SORBS2: variants seen among roughly 807,000 people sequenced by gnomAD.
SORBS2 encodes sorbin and SH3 domain-containing protein 2.
Under a neutral mutation model 97.7 loss-of-function variants are expected in SORBS2, and 46 were observed. That is an observed-to-expected ratio of 0.47 (90% CI 0.37 to 0.60). The LOEUF is 0.60. Among genes scored for constraint, SORBS2 ranks in the 20% least tolerant of loss-of-function variants. The probability of loss-of-function intolerance (pLI) is 0.00; values close to 1 mark genes in which losing one functional copy is unlikely to be tolerated. For synonymous variants in SORBS2, 476 were observed against 473.4 expected (o/e 1.01, Z -0.07); for missense variants, 1,316 against 1,282.3 (o/e 1.03, Z -0.40).
chr4:185,728,386 G>T (rs1027146535), intron 2 of SORBS2, among the ~76,000 whole-genome samples: 1 of 152,190 alleles, frequency 6.6e-6, no homozygotes, highest in East Asian at 1.9e-4. Context: ...TCAGTTGGAA[G>T]TATTTTGCTA....
intron 2 of SORBS2, among the ~76,000 whole-genome samples, chr4:185,694,865 C>T (rs1223731840): frequency 6.6e-6 from 1 of 151,712 alleles, no homozygotes; most frequent in Non-Finnish European, 1.5e-5. Flanking sequence ...CACCATCACG[C>T]CTGGCTAATT....
intron 2 of SORBS2, among the ~76,000 whole-genome samples, chr4:185,728,209 C>G (rs1231724119): frequency 6.6e-6 from 1 of 152,110 alleles, no homozygotes; most frequent in East Asian, 1.9e-4. Context: ...TGACTGTGCT[C>G]CCCGAGAAAG....
chr4:185,663,182 G>A (rs751075307), intron 4 of SORBS2, among the ~76,000 whole-genome samples: 1 of 152,142 alleles, frequency 6.6e-6, no homozygotes, highest in Non-Finnish European at 1.5e-5. Flanking sequence ...TAGTAAGAAC[G>A]TTTAGTTAAA....
At chr4:185,587,776 C>G in intron 14 of SORBS2, 88 bp from the exon 27 acceptor site, 1 of 1,014,174 alleles carries the variant, frequency 9.9e-7, no homozygotes. Flanking sequence ...TACAAGGCCT[C>G]GGAAGACAGC....
chr4:185,897,389 T>C lies in SORBS2; in HGVS notation c.-338+58807A>G, dbSNP rs1029710067. Among the ~76,000 whole-genome samples, 22 of 152,220 alleles carry C rather than the reference T, an allele frequency of 1.4e-4. No homozygotes were observed. The South Asian group carries it at 3.9e-3, about 27-fold the overall frequency. ...CCTTGCTGGGTGTCCCCACTCAGTC[T>C]ATTCGCATTAGACCACACCCTTTCG... On this transcript the variant is annotated intron_variant, in intron 1 of 20. Transcript: ENST00000284776.
chr4:185,867,422 G>A (rs2099227542), intron 1 of SORBS2, among the ~76,000 whole-genome samples: 1 of 152,194 alleles, frequency 6.6e-6, no homozygotes, highest in Non-Finnish European at 1.5e-5. Flanking sequence ...CACCTGATAT[G>A]AAAACAGGCA....
At chr4:185,801,666 ATCTCTCTC>A (rs59944716) in intron 1 of SORBS2, among the ~76,000 whole-genome samples, 4 of 98,210 alleles carry the variant, frequency 4.1e-5, no homozygotes, top group Non-Finnish European at 9.0e-5. Context: ...TAACTGAATC[ATCTCTCTC>A]TCTCTCTCTC....
intron 2 of SORBS2, among the ~76,000 whole-genome samples, chr4:185,688,670 A>C (rs1209582150): frequency 6.6e-6 from 1 of 152,174 alleles, no homozygotes; most frequent in Non-Finnish European, 1.5e-5. Context: ...TTTATTGACT[A>C]GCTCTTTAGG....
At chr4:185,635,562 G>C in intron 4 of SORBS2, 151 bp from the exon 16 acceptor site, 1 of 616,098 alleles carries the variant, frequency 1.6e-6, no homozygotes, top group Non-Finnish European at 2.9e-6. Context: ...CATGAATGGA[G>C]CAAAATGGGG....
intron 1 of SORBS2, among the ~76,000 whole-genome samples, chr4:185,951,518 C>A (rs568743469): frequency 2.6e-5 from 4 of 152,178 alleles, no homozygotes; most frequent in Non-Finnish European, 4.4e-5. Flanking sequence ...TCTCAACAGC[C>A]CTCCCTGACA....
chr4:185,937,556 A>G (rs1157224947), intron 1 of SORBS2, among the ~76,000 whole-genome samples: 1 of 152,202 alleles, frequency 6.6e-6, no homozygotes, highest in Non-Finnish European at 1.5e-5. Flanking sequence ...TCCTTCGTCA[A>G]AAAGTACCTC....
At chr4:185,800,220 A>T (rs1310565653) in intron 1 of SORBS2, among the ~76,000 whole-genome samples, 1 of 152,146 alleles carries the variant, frequency 6.6e-6, no homozygotes, top group Non-Finnish European at 1.5e-5. Flanking sequence ...CAAAAAGTCC[A>T]TGCTTCTAAC....
chr4:185,944,393 G>A (rs72709788), intron 1 of SORBS2, among the ~76,000 whole-genome samples: 17,955 of 152,208 alleles, frequency 0.12, 1,343 homozygotes, highest in Middle Eastern at 0.24. Context: ...GAGTCTCAAT[G>A]TCAGTTCATT....
chr4:185,668,700 A>G (rs1443133785), intron 4 of SORBS2, among the ~76,000 whole-genome samples: 4 of 152,202 alleles, frequency 2.6e-5, no homozygotes, highest in African/African-American at 9.6e-5. Flanking sequence ...TACCTCAAAA[A>G]TAGGGAAAAC....
chr4:185,609,196 A>G (rs2096490645), intron 12 of SORBS2, among the ~76,000 whole-genome samples: 1 of 152,128 alleles, frequency 6.6e-6, no homozygotes. Flanking sequence ...TAAACCACTC[A>G]AGTCTCATTC....
In SORBS2 at chr4:185,607,032, G is replaced by A. The variant is rs2096440459; in HGVS notation, c.2796+4748C>T. The A allele has an allele frequency of 8.8e-6, 9 of 1,020,944 alleles. No homozygotes were observed. The highest frequency in any genetic ancestry group is 1.1e-5 in the Non-Finnish European group (9 of 851,128). The allele number at this position is 1,020,944 out of a possible 1,614,324, so 63.2% of individuals were successfully genotyped here. On this transcript the variant is annotated intron_variant, in intron 12 of 14. Coordinates refer to ENST00000418609, the Ensembl canonical transcript of SORBS2. The surrounding 1 kb of genome is among the most constrained non-coding windows in gnomAD (Gnocchi z 5.2). ...GGGCTGCAGCCGAGGCCACACCCGCGTGAGTGGAAGGTGATTCGGCAGGTG... is the reference window on the plus strand; with the variant it reads ...GGGCTGCAGCCGAGGCCACACCCGCATGAGTGGAAGGTGATTCGGCAGGTG...
At chr4:185,783,488 A>G (rs1168642949) in intron 1 of SORBS2, among the ~76,000 whole-genome samples, 1 of 152,206 alleles carries the variant, frequency 6.6e-6, no homozygotes, top group Non-Finnish European at 1.5e-5. Flanking sequence ...GCCTGCAAAT[A>G]TTCTTGATTT....
At chr4:185,624,226 G>A in exon 7 of SORBS2, 2 of 1,614,204 alleles carry the variant, frequency 1.2e-6, no homozygotes, top group Non-Finnish European at 1.7e-6. Context: ...TGACTTTCGG[G>A]TCCGGGAAGC....
At chr4:185,591,011 C>T (rs987251307) in intron 13 of SORBS2, among the ~76,000 whole-genome samples, 18 of 152,124 alleles carry the variant, frequency 1.2e-4, no homozygotes, top group Non-Finnish European at 1.3e-4. Flanking sequence ...TTGACTACCG[C>T]TCCGGAACAA....
Sources: gnomAD v4.1 joint callset for allele counts (sites outside exome capture counted in the v4.1 genomes callset) on GRCh38, gnomAD v4.1.1 for gene constraint, Gnocchi (gnomAD v3.1) non-coding constraint, MANE v1.5 for transcripts, NCBI Gene and HGNC (gene_info 2026-07-23, HGNC 2026-07-21) for gene names.